Variants in PARP11 observed in about 807,000 individuals in gnomAD.
PARP11 encodes the protein poly(ADP-ribose) polymerase family member 11.
Under a neutral mutation model 42.9 loss-of-function variants are expected in PARP11, and 31 were observed. The observed-to-expected ratio is 0.72, with a 90% confidence interval of 0.54 to 0.98. The LOEUF is 0.98. PARP11 is among the 50% of genes least tolerant of loss of function. The pLI is 0.00. For synonymous variants in PARP11, 137 were observed against 127.3 expected, an observed-to-expected ratio of 1.08 and a Z score of -0.51; for missense variants, 365 against 413.1, an observed-to-expected ratio of 0.88 and a Z score of 1.01.
chr12:3,831,542 T>C (rs1379792028), intron 1 of PARP11, among the ~76,000 whole-genome samples: 1 of 152,172 alleles, frequency 6.6e-6, no homozygotes, highest in African/African-American at 2.4e-5. Flanking sequence ...GGGATGTTGT[T>C]ATAAATGAAT....
At position 3,842,607 on chromosome 12, in the gene PARP11, T is replaced by G. The variant is rs966819998; in HGVS notation, c.19-12589A>C. The G allele has an allele frequency of 1.3e-5, 11 of 858,220 alleles. No individual in the cohort carries two copies. In the African/African-American group the frequency reaches 1.8e-4, roughly 14 times the overall value. The allele number at this position is 858,220 out of a possible 1,614,324, so 53.2% of individuals were successfully genotyped here. A position where few individuals can be genotyped will look rare whatever the true frequency, so the allele number is the denominator to read the frequency against. On this transcript the variant is annotated intron_variant, in intron 1 of 7. Transcript: ENST00000228820. Reference sequence around the variant, plus strand: ...AACTACAATAAAGTAAAAACCCCAGTTGGAACTCTTTCCTCTCCCCAGCCT... The same window carrying G: ...AACTACAATAAAGTAAAAACCCCAGGTGGAACTCTTTCCTCTCCCCAGCCT...
At chr12:3,853,782 G>C (rs565485292) in intron 1 of PARP11, among the ~76,000 whole-genome samples, 1 of 152,280 alleles carries the variant, frequency 6.6e-6, no homozygotes, top group Admixed American at 6.5e-5. Context: ...GCACCAAGCA[G>C]ACCTAATAGA....
intron 1 of PARP11, among the ~76,000 whole-genome samples, chr12:3,871,493 T>C (rs1294358745): frequency 6.6e-6 from 1 of 152,204 alleles, no homozygotes; most frequent in African/African-American, 2.4e-5. Context: ...GGCTATTCCA[T>C]ATAGCCTTAG....
chr12:3,815,133 T>C (rs1226060615), intron 6 of PARP11: 3 of 438,566 alleles, frequency 6.8e-6, no homozygotes, highest in African/African-American at 4.1e-5. Flanking sequence ...TGCAAACTAT[T>C]TGCTGCATTT....
chr12:3,849,630 G>T (rs1948060346), intron 1 of PARP11, among the ~76,000 whole-genome samples: 1 of 152,128 alleles, frequency 6.6e-6, no homozygotes, highest in South Asian at 2.1e-4. Flanking sequence ...AAAGTAGATT[G>T]GTGGTTACCA....
At position 3,840,723 on chromosome 12, in the gene PARP11, A is replaced by T. The variant is rs1947868274; in HGVS notation, c.19-10705T>A. On this transcript the variant is annotated intron_variant, in intron 1 of 7. Transcript: ENST00000228820. The surrounding 1 kb of genome is among the most constrained non-coding windows in gnomAD (Gnocchi z 4.4). ...GATACAGAAGAACGAAAAGACAAAG[A>T]CTCTATTCATGGACATAGTTGGATA... The T allele has an allele frequency of 7.8e-7, 1 of 1,279,130 alleles. No individual in the cohort carries two copies. The highest frequency in any genetic ancestry group is 1.2e-5 in the South Asian group (1 of 84,176). The allele number at this position is 1,279,130 out of a possible 1,614,324, so 79.2% of individuals were successfully genotyped here. A position where few individuals can be genotyped will look rare whatever the true frequency, so the allele number is the denominator to read the frequency against.
intron 1 of PARP11, among the ~76,000 whole-genome samples, chr12:3,834,498 G>A (rs560250946): frequency 5.3e-5 from 8 of 152,024 alleles, no homozygotes; most frequent in Admixed American, 2.6e-4. Context: ...GCCAGGTGTG[G>A]TGGCGTGCAC....
At chr12:3,822,058 G>A in intron 5 of PARP11, 27 bp downstream of exon 5, 3 of 1,611,478 alleles carry the variant, frequency 1.9e-6, no homozygotes, top group South Asian at 2.2e-5. Context: ...TTCTTTCATG[G>A]GTATATTCAG....
chr12:3,844,529 A>G (rs180939809), intron 1 of PARP11, among the ~76,000 whole-genome samples: 13 of 152,322 alleles, frequency 8.5e-5, no homozygotes, highest in Admixed American at 7.8e-4. Context: ...GGAGTCCAAA[A>G]TAAGTTGTTG....
chr12:3,849,693 T>C (rs1420137917), intron 1 of PARP11, among the ~76,000 whole-genome samples: 1 of 152,106 alleles, frequency 6.6e-6, no homozygotes, highest in East Asian at 1.9e-4. Context: ...GATTAATGGG[T>C]ATAAATATAC....
chr12:3,872,542 C>A (rs558293680), intron 1 of PARP11: 1 of 985,196 alleles, frequency 1.0e-6, no homozygotes, highest in Non-Finnish European at 1.2e-6. Flanking sequence ...GGCAGACTTG[C>A]AGTTGAAATG....
intron 1 of PARP11, among the ~76,000 whole-genome samples, chr12:3,860,878 A>G (rs987409627): frequency 4.6e-5 from 7 of 152,238 alleles, no homozygotes; most frequent in Admixed American, 2.0e-4. Flanking sequence ...CAGTCTTGCC[A>G]TGTTGCTCAG....
chr12:3,832,964 CTT>C (rs992379197), intron 1 of PARP11, among the ~76,000 whole-genome samples: 1 of 152,100 alleles, frequency 6.6e-6, no homozygotes, highest in African/African-American at 2.4e-5. Context: ...CAAAGAGAAT[CTT>C]TATTTACAGA....
intron 1 of PARP11, chr12:3,839,689 G>C: frequency 1.0e-6 from 1 of 1,002,946 alleles, no homozygotes; most frequent in Admixed American, 1.7e-5. Flanking sequence ...TCCTTCACAA[G>C]TAACTGAAAA....
chr12:3,841,651 T>G, intron 1 of PARP11: 1 of 1,613,628 alleles, frequency 6.2e-7, no homozygotes, highest in Non-Finnish European at 8.5e-7. Context: ...GCATGCTGAT[T>G]ATGAAGAGTC....
intron 6 of PARP11, among the ~76,000 whole-genome samples, chr12:3,816,783 T>C (rs918170295): frequency 6.6e-6 from 1 of 152,184 alleles, no homozygotes; most frequent in African/African-American, 2.4e-5. Context: ...ACACCTGTAA[T>C]CCCAGCTACT....
At chr12:3,850,561 A>G (rs1327699174) in intron 1 of PARP11, among the ~76,000 whole-genome samples, 1 of 152,180 alleles carries the variant, frequency 6.6e-6, no homozygotes, top group Non-Finnish European at 1.5e-5. Flanking sequence ...GGGTAATAAA[A>G]TGGTATATGT....
rs36072906 is a variant in PARP11 at position 3,817,190 on chromosome 12, C to CAAA, written c.549-3005_549-3003dup. On this transcript the variant is annotated intron_variant, in intron 6 of 7. Transcript: ENST00000228820. Reference sequence around the variant, plus strand: ...TGGGTGTCAGAAAGAGATTCTGTCTCAAAAAAAAAAAAATTCATTTATCAC... The same window carrying CAAA: ...TGGGTGTCAGAAAGAGATTCTGTCTCAAAAAAAAAAAAAAAATTCATTTATCAC... Among the ~76,000 whole-genome samples the CAAA allele has an allele frequency of 1.9e-3, 284 of 146,192 alleles. 2 individuals are homozygous for CAAA. The highest frequency in any genetic ancestry group is 5.6e-3 in the African/African-American group (223 of 40,112).
chr12:3,813,819 C>A (rs977056268), intron 7 of PARP11, among the ~76,000 whole-genome samples: 1 of 152,144 alleles, frequency 6.6e-6, no homozygotes, highest in African/African-American at 2.4e-5. Flanking sequence ...CCCCACTATT[C>A]CTTATTGCTC....
Sources: gnomAD v4.1 joint callset for allele counts (sites outside exome capture counted in the v4.1 genomes callset) on GRCh38, gnomAD v4.1.1 for gene constraint, Gnocchi (gnomAD v3.1) non-coding constraint, MANE v1.5 for transcripts, NCBI Gene and HGNC (gene_info 2026-07-23, HGNC 2026-07-21) for gene names.